NOSTRIN: variants seen among roughly 807,000 people sequenced by gnomAD.
NOSTRIN encodes nitric oxide synthase trafficking, also known as BM247 homolog.
NOSTRIN carries 63 observed loss-of-function variants against 59.0 expected under a neutral mutation model. The ratio of observed to expected loss-of-function variants is 1.07; its 90% CI spans 0.87 to 1.32. The LOEUF is 1.32. NOSTRIN is among the 40% of genes most tolerant of loss of function. The pLI, the probability that NOSTRIN is intolerant of heterozygous loss-of-function variation, is 0.00. For synonymous variants in NOSTRIN, 200 were observed against 165.4 expected (o/e 1.21, Z -1.61); for missense variants, 512 against 473.1 (o/e 1.08, Z -0.76).
At chr2:168,853,164 A>G (rs1688874348) in intron 10 of NOSTRIN, among the ~76,000 whole-genome samples, 1 of 152,178 alleles carries the variant, frequency 6.6e-6, no homozygotes, top group South Asian at 2.1e-4. Flanking sequence ...CACAACCATG[A>G]ATCTGTTGTC....
At chr2:168,834,798 G>C (rs1273846861) in intron 7 of NOSTRIN, among the ~76,000 whole-genome samples, 1 of 151,706 alleles carries the variant, frequency 6.6e-6, no homozygotes. Context: ...AAACCTCTCA[G>C]CTAATACCCC....
At position 168,860,838 on chromosome 2, in the gene NOSTRIN, T is replaced by G; in HGVS notation, c.1223T>G (p.Met408Arg). The G allele has an allele frequency of 1.2e-6, 2 of 1,614,042 alleles. No homozygotes were observed. The highest frequency in any genetic ancestry group is 2.2e-5 in the South Asian group (2 of 91,070). ...SYVKISRPFL[M>R]KRLENIVSKA... ...GTGAAAATATCTCGGCCTTTTTTAA[T>G]GAAGAGATTAGAGAATATTGTGAGC... Residue 408 changes from methionine (M) to arginine (R), a missense_variant, in exon 14 of 16, where the codon ATG becomes AGG. Met to Arg is a moderately conservative substitution (Grantham distance 91, BLOSUM62 -1). Coordinates refer to ENST00000317647, the MANE Select transcript of NOSTRIN (RefSeq NM_001039724.4).
At chr2:168,859,682 T>C (rs765016791) in intron 13 of NOSTRIN, 45 bp downstream of exon 13, 9 of 1,604,328 alleles carry the variant, frequency 5.6e-6, no homozygotes, top group Non-Finnish European at 7.7e-6. Context: ...TTGGGCCTGC[T>C]GGGTGGAGTG....
intron 12 of NOSTRIN, 111 bp downstream of exon 12, chr2:168,856,889 G>A (rs1689158381): frequency 3.2e-6 from 3 of 937,604 alleles, no homozygotes; most frequent in Non-Finnish European, 5.0e-6. Context: ...TCATGACATA[G>A]AACAATCTAG....
upstream of NOSTRIN, among the ~76,000 whole-genome samples, chr2:168,796,310 A>G (rs139350147): frequency 6.6e-5 from 10 of 152,310 alleles, no homozygotes; most frequent in African/African-American, 2.2e-4. Flanking sequence ...CACCCATGTC[A>G]TAGCTAGTCC....
intron 7 of NOSTRIN, among the ~76,000 whole-genome samples, chr2:168,840,442 A>G (rs1182969405): frequency 2.7e-5 from 4 of 148,252 alleles, no homozygotes; most frequent in Admixed American, 1.4e-4. Context: ...AGGCAGGAGA[A>G]TGGCGTGAAC....
Position 168,818,767 on chromosome 2 carries a change from A to C in NOSTRIN, c.114-5867A>C, listed in dbSNP as rs192292939. Among the ~76,000 whole-genome samples, 3 of 152,318 alleles carry C rather than the reference A, an allele frequency of 2.0e-5. No individual in the cohort carries two copies. The East Asian group carries it at 5.8e-4, about 29-fold the overall frequency. ...GACCAGCCTTGCATGCTGAGAGAAA[A>C]TTAGAATGTAAAGGGATTAAAAGTC... On this transcript the variant is annotated intron_variant, in intron 2 of 15. Transcript: ENST00000317647.
intron 6 of NOSTRIN, among the ~76,000 whole-genome samples, chr2:168,833,093 G>T (rs371914285): frequency 2.0e-5 from 3 of 152,080 alleles, no homozygotes; most frequent in South Asian, 2.1e-4. Context: ...TTAAATAAAA[G>T]ATTTCATTTT....
intron 12 of NOSTRIN, among the ~76,000 whole-genome samples, chr2:168,857,648 A>T (rs1407021554): frequency 6.6e-6 from 1 of 152,258 alleles, no homozygotes; most frequent in South Asian, 2.1e-4. Context: ...ATATAGCACC[A>T]GTGTGCAACA....
intron 1 of NOSTRIN, among the ~76,000 whole-genome samples, chr2:168,803,611 G>A (rs956552611): frequency 2.6e-5 from 4 of 152,182 alleles, no homozygotes; most frequent in African/African-American, 4.8e-5. Context: ...AGTTACTATT[G>A]CAGAAAATCA....
intron 3 of NOSTRIN, among the ~76,000 whole-genome samples, chr2:168,825,254 A>G (rs1009643286): frequency 4.6e-5 from 7 of 152,348 alleles, no homozygotes; most frequent in Admixed American, 3.9e-4. Flanking sequence ...CCCTGTTTAC[A>G]GATAAGGACT....
In NOSTRIN at chr2:168,824,768, T is replaced by TG. The variant is rs1553523540; in HGVS notation, c.197+51_197+52insG. ...AAAATCAACCCTTTTTTTATTTGTT[T>TG]TTTGTTTGTTTGTTTGTTTGTTTTT... On this transcript the variant is annotated intron_variant, in intron 3 of 15. Coordinates refer to ENST00000317647, the MANE Select transcript of NOSTRIN (RefSeq NM_001039724.4). 9.5e-5 allele frequency: 70 copies of TG among 736,808 alleles called. No homozygotes were observed. The African/African-American group carries it at 1.0e-3, about 11-fold the overall frequency. 45.6% of individuals were successfully genotyped at this position (736,808 alleles called of 1,614,324 possible).
chr2:168,808,661 A>C (rs894688718), intron 1 of NOSTRIN, among the ~76,000 whole-genome samples: 6 of 152,248 alleles, frequency 3.9e-5, no homozygotes, highest in African/African-American at 1.4e-4. Context: ...AGAAAGCCAC[A>C]GGACCTATAA....
At chr2:168,859,963 A>C (rs377305592) in intron 13 of NOSTRIN, among the ~76,000 whole-genome samples, 2 of 152,202 alleles carry the variant, frequency 1.3e-5, no homozygotes, top group East Asian at 1.9e-4. Context: ...ATATTCGTTC[A>C]GACCTAAATT....
At chr2:168,841,235 CAAAAAAAAA>C (rs57480764) in intron 7 of NOSTRIN, among the ~76,000 whole-genome samples, 6,026 of 106,444 alleles carry the variant, frequency 0.057, 274 homozygotes, top group African/African-American at 0.17. Context: ...ACCCTGTCTC[CAAAAAAAAA>C]AAAAAAAAAA....
rs1190613822 is a variant in NOSTRIN at position 168,863,383 on chromosome 2, A to G, written c.1384+1334A>G. 6.1e-6 allele frequency: 6 copies of G among 983,502 alleles called. No individual in the cohort carries two copies. In the Admixed American group the frequency reaches 3.1e-4, roughly 50 times the overall value. 60.9% of individuals were successfully genotyped at this position (983,502 alleles called of 1,614,324 possible). A position where few individuals can be genotyped will look rare whatever the true frequency, so the allele number is the denominator to read the frequency against. On this transcript the variant is annotated intron_variant, in intron 15 of 15. Coordinates refer to ENST00000317647, the MANE Select transcript of NOSTRIN (RefSeq NM_001039724.4). ...ATAATTTCCTTTGTCTTAGAAAGAA[A>G]GTTGCTGAGGAAAAGAGTGAAAGGA...
chr2:168,798,900 G>A (rs922488239), upstream of NOSTRIN, among the ~76,000 whole-genome samples: 1 of 152,078 alleles, frequency 6.6e-6, no homozygotes, highest in African/African-American at 2.4e-5. Context: ...GCTATATGAG[G>A]TATGCAAAAT....
At chr2:168,863,024 TA>T (rs1689565767) in intron 15 of NOSTRIN, among the ~76,000 whole-genome samples, 1 of 34,874 alleles carries the variant, frequency 2.9e-5, no homozygotes, top group Non-Finnish European at 4.6e-5. Context: ...CCTATGTGAA[TA>T]AAAGACAGAC....
intron 13 of NOSTRIN, 79 bp downstream of exon 13, chr2:168,859,716 A>G: frequency 1.3e-5 from 20 of 1,529,680 alleles, no homozygotes; most frequent in Non-Finnish European, 1.8e-5. Context: ...TCAGGGCAAA[A>G]AAGGTGTTAG....
Sources: allele counts gnomAD v4.1 joint callset (sites outside exome capture counted in the v4.1 genomes callset), GRCh38; gene constraint gnomAD v4.1.1; transcripts MANE v1.5; gene names NCBI Gene and HGNC (gene_info 2026-07-23, HGNC 2026-07-21).